MAU2: variants seen among roughly 807,000 people sequenced by gnomAD.
MAU2 encodes MAU2 chromatid cohesion factor homolog.
In MAU2, 9 loss-of-function variants were observed where a neutral mutation model predicts 89.1. The observed-to-expected ratio is 0.10, with a 90% CI of 0.06 to 0.18. The LOEUF is 0.18. Ranked by LOEUF, MAU2 falls within the 10% of genes least tolerant of loss-of-function variation. The pLI is 1.00. For missense variants in MAU2, 425 were observed against 803.5 expected, an observed-to-expected ratio of 0.53 and a Z score of 5.69; for synonymous variants, 357 against 343.4, an observed-to-expected ratio of 1.04 and a Z score of -0.44.
chr19:19,350,691 G>C (rs1460574932), intron 16 of MAU2, among the ~76,000 whole-genome samples: 1 of 151,826 alleles, frequency 6.6e-6, no homozygotes, highest in East Asian at 1.9e-4. Flanking sequence ...ACAAGGTCAG[G>C]AGATCGAGAC....
rs936287336 is a variant in MAU2 at position 19,342,007 on chromosome 19, C to G, written c.736-528C>G. 4.6e-5 allele frequency among the ~76,000 whole-genome samples: 7 copies of G among 152,186 alleles called. No homozygotes were observed. In the East Asian group the frequency reaches 1.2e-3, roughly 25 times the overall value. On this transcript the variant is annotated intron_variant, in intron 7 of 18. Coordinates refer to ENST00000262815, the MANE Select transcript of MAU2 (RefSeq NM_015329.4). ...GGCTTGGTAAGGGGGTTGCCCAGTTCGTCCATCCATACCCATCGTTGCCCA... is the reference window on the plus strand; with the variant it reads ...GGCTTGGTAAGGGGGTTGCCCAGTTGGTCCATCCATACCCATCGTTGCCCA...
At position 19,320,930 on chromosome 19, in the gene MAU2, C is replaced by G; in HGVS notation, c.71C>G (p.Ser24Trp). Residue 24 changes from serine to tryptophan, a missense_variant, in exon 1 of 19, where the codon TCG becomes TGG. By Grantham distance (177) the Ser-to-Trp change is radical. Around this residue, in one of 11 missense-constraint regions of MAU2, gnomAD observed 61 missense variants for 40.1 expected, o/e 1.52. Transcript: ENST00000262815. ...GCTGCGCAGGCCGAGGCGGCCGACT[C>G]GTGGTACCTGGCGCTTCTGGGCTTC... ...AQAAQAEAAD[S>W]WYLALLGFAE... 1 of 1,569,678 alleles carries G rather than the reference C, an allele frequency of 6.4e-7. No individual in the cohort carries two copies. The highest frequency in any genetic ancestry group is 8.6e-7 in the Non-Finnish European group (1 of 1,158,442).
At chr19:19,343,757 A>C in intron 9 of MAU2, 80 bp from the exon 10 acceptor site, 1 of 1,021,638 alleles carries the variant, frequency 9.8e-7, no homozygotes, top group South Asian at 1.3e-5. Context: ...GGAGACAGGA[A>C]CGAGGTGGGG....
At chr19:19,325,167 C>G (rs1349501047) in intron 1 of MAU2, among the ~76,000 whole-genome samples, 1 of 151,902 alleles carries the variant, frequency 6.6e-6, no homozygotes, top group African/African-American at 2.4e-5. Flanking sequence ...TTTATTGTTA[C>G]TTTTATTTTA....
At chr19:19,328,030 C>T (rs569455471) in intron 1 of MAU2, among the ~76,000 whole-genome samples, 2 of 151,980 alleles carry the variant, frequency 1.3e-5, no homozygotes, top group East Asian at 3.9e-4. Context: ...CGTGGTGGCT[C>T]ACATCTGTAG....
chr19:19,335,842 G>T, intron 2 of MAU2, 107 bp downstream of exon 2: 1 of 1,343,226 alleles, frequency 7.4e-7, no homozygotes. Flanking sequence ...GTGAGTTGAG[G>T]CTCGGCCCAC....
At chr19:19,334,492 C>T in intron 1 of MAU2, 1 of 985,970 alleles carries the variant, frequency 1.0e-6, no homozygotes, top group Non-Finnish European at 1.2e-6. Flanking sequence ...GATCTCCAGC[C>T]CCAAGGCTGC....
Position 19,345,104 on chromosome 19 carries a change from T to G in MAU2, c.1155+178T>G. 1.4e-6 allele frequency: 1 copy of G among 724,846 alleles called. No homozygotes were observed. The highest frequency in any genetic ancestry group is 2.4e-6 in the Non-Finnish European group (1 of 424,230). The allele number at this position is 724,846 out of a possible 1,614,324, so 44.9% of individuals were successfully genotyped here. ...CAGGCACGATCCGGAATGCTCCCAG[T>G]GAGCATCTTGTCCCACCCCACATTG... On this transcript the variant is annotated intron_variant, in intron 11 of 18. Coordinates refer to ENST00000262815, the MANE Select transcript of MAU2 (RefSeq NM_015329.4). The surrounding 1 kb of genome is among the most constrained non-coding windows in gnomAD (Gnocchi z 4.9).
Position 19,348,944 on chromosome 19 carries a change from C to T in MAU2, c.1358+6C>T, listed in dbSNP as rs749012442. 6.2e-7 allele frequency: 1 copy of T among 1,612,924 alleles called. No homozygotes were observed. Among genetic ancestry groups the T allele is most frequent in the South Asian group, 1.1e-5 (1 of 91,010 alleles). ...GACCACAGCTTCCCTGTCAGGTGAG[C>T]CGCTCCAGGCACCACTCCACGCACG... On this transcript the variant is annotated splice_donor_region_variant and intron_variant, in intron 14 of 18. Transcript: ENST00000262815.
chr19:19,336,327 G>A (rs1271979784), intron 3 of MAU2, 140 bp downstream of exon 3: 2 of 622,918 alleles, frequency 3.2e-6, no homozygotes, highest in South Asian at 1.9e-5. Flanking sequence ...GGAGGACAGG[G>A]TCTCACTCTG....
chr19:19,349,266 T>C, intron 15 of MAU2, 34 bp downstream of exon 15: 49 of 1,613,748 alleles, frequency 3.0e-5, no homozygotes, highest in Non-Finnish European at 4.2e-5. Flanking sequence ...GTGAGGGCCA[T>C]GCTCAGGGTA....
chr19:19,336,232 T>C (rs1343575839), intron 3 of MAU2, 45 bp downstream of exon 3: 1 of 1,406,946 alleles, frequency 7.1e-7, no homozygotes, highest in South Asian at 1.2e-5. Flanking sequence ...TCTCTCCGTG[T>C]CGCTAAGACA....
At chr19:19,354,870 C>T (rs970451909) in intron 17 of MAU2, among the ~76,000 whole-genome samples, 5 of 152,172 alleles carry the variant, frequency 3.3e-5, no homozygotes, top group African/African-American at 4.8e-5. Flanking sequence ...AAACTAAGGT[C>T]CGGAGACTCG....
At position 19,345,078 on chromosome 19, in the gene MAU2, C is replaced by T. The variant is rs114420791; in HGVS notation, c.1155+152C>T. ...TCCCATAGGTAATCATATAACCTTC[C>T]CAGGCACGATCCGGAATGCTCCCAG... On this transcript the variant is annotated intron_variant, in intron 11 of 18. Transcript: ENST00000262815. The surrounding 1 kb of genome is among the most constrained non-coding windows in gnomAD (Gnocchi z 4.9). 3.0e-3 allele frequency: 2,312 copies of T among 780,312 alleles called. 36 individuals are homozygous for T. In the African/African-American group the frequency reaches 0.033, roughly 11 times the overall value. The allele number at this position is 780,312 out of a possible 1,614,324, so 48.3% of individuals were successfully genotyped here.
chr19:19,342,653 A>G lies in MAU2; in HGVS notation c.854A>G (p.Lys285Arg). The G allele has an allele frequency of 6.2e-7, 1 of 1,612,362 alleles. No individual in the cohort carries two copies. The highest frequency in any genetic ancestry group is 8.5e-7 in the Non-Finnish European group (1 of 1,179,180). Residue 285 changes from lysine (K) to arginine (R), a missense_variant, in exon 8 of 19, where the codon AAG (lysine) becomes AGG (arginine). Around this residue, in one of 11 missense-constraint regions of MAU2, gnomAD observed 119 missense variants for 299.8 expected, o/e 0.40. Transcript: ENST00000262815. ...NPADLFHWLPKEHMCVLVYLV... is the reference protein window; with the variant it reads ...NPADLFHWLPREHMCVLVYLV... Reference sequence around the variant, plus strand: ...GCTGACCTCTTCCACTGGCTGCCCAAGGAGCACATGTGTGTGCTTGTCTAC... The same window carrying G: ...GCTGACCTCTTCCACTGGCTGCCCAGGGAGCACATGTGTGTGCTTGTCTAC...
chr19:19,354,267 G>T, intron 16 of MAU2, 88 bp from the exon 17 acceptor site: 1 of 988,306 alleles, frequency 1.0e-6, no homozygotes, highest in Non-Finnish European at 1.6e-6. Flanking sequence ...CAGTAGGTGG[G>T]TTCCAGATTA....
chr19:19,342,904 A>T (rs754845394), intron 9 of MAU2, 38 bp downstream of exon 9: 1 of 1,607,108 alleles, frequency 6.2e-7, no homozygotes. Context: ...GGCCACAGCG[A>T]CCCCTGGCGG....
chr19:19,336,076 C>T lies in MAU2; in HGVS notation c.295-46C>T, dbSNP rs370170549. The T allele has an allele frequency of 1.5e-3, 2,207 of 1,454,550 alleles. 4 individuals carry two copies. The highest frequency in any genetic ancestry group is 1.9e-3 in the Non-Finnish European group (2,004 of 1,034,822). 90.1% of individuals were successfully genotyped at this position (1,454,550 alleles called of 1,614,324 possible). A position where few individuals can be genotyped will look rare whatever the true frequency, so the allele number is the denominator to read the frequency against. On this transcript the variant is annotated intron_variant, in intron 2 of 18. Transcript: ENST00000262815. ...GCCCCAAGCTGTGGCCCTTTCAAAC[C>T]GACCTTTTTCGCAGTGTCTGTACTT...
At chr19:19,354,918 C>T (rs1261321826) in intron 17 of MAU2, among the ~76,000 whole-genome samples, 1 of 152,132 alleles carries the variant, frequency 6.6e-6, no homozygotes, top group Non-Finnish European at 1.5e-5. Flanking sequence ...ACGGGGTGCT[C>T]CATGTGCAGT....
Sources: gnomAD v4.1 joint callset for allele counts (sites outside exome capture counted in the v4.1 genomes callset) on GRCh38, gnomAD v4.1.1 for gene constraint, gnomAD v4.1.1 regional missense constraint, Gnocchi (gnomAD v3.1) non-coding constraint, MANE v1.5 for transcripts, NCBI Gene and HGNC (gene_info 2026-07-23, HGNC 2026-07-21) for gene names.